Variants in OIP5 observed in about 807,000 individuals in gnomAD.
The protein encoded by OIP5 is Opa interacting protein 5.
OIP5 carries 24 observed loss-of-function variants against 20.3 expected under a neutral mutation model. The observed-to-expected ratio is 1.18, with a 90% CI of 0.86 to 1.66. OIP5 has a LOEUF of 1.66. OIP5 is among the 40% of genes most tolerant of loss of function. The pLI is 0.00. For missense variants in OIP5, 339 were observed against 289.5 expected (o/e 1.17, Z -1.24); for synonymous variants, 143 against 121.3 (o/e 1.18, Z -1.17).
intron 2 of OIP5, among the ~76,000 whole-genome samples, chr15:41,330,650 G>A (rs918481496): frequency 1.3e-5 from 2 of 151,738 alleles, no homozygotes; most frequent in Non-Finnish European, 2.9e-5. Flanking sequence ...TGATCCGCCC[G>A]CCTCGGCCTC....
chr15:41,321,184 C>A (rs2047822853), intron 2 of OIP5, among the ~76,000 whole-genome samples: 1 of 151,680 alleles, frequency 6.6e-6, no homozygotes, highest in African/African-American at 2.4e-5. Context: ...GCCAGCCGCC[C>A]CGTCCAGGAG....
At chr15:41,332,131 C>T (rs2140471758) in intron 1 of OIP5, 109 bp downstream of exon 1, 1 of 1,391,654 alleles carries the variant, frequency 7.2e-7, no homozygotes, top group African/African-American at 1.4e-5. Flanking sequence ...TTGCTTCCAA[C>T]TTTTCATCCC....
chr15:41,332,036 A>C lies in OIP5; in HGVS notation c.323-55T>G, dbSNP rs1262333600. On this transcript the variant is annotated intron_variant, in intron 1 of 4. Coordinates refer to ENST00000220514, the MANE Select transcript of OIP5 (RefSeq NM_007280.2). Reference sequence around the variant, plus strand: ...TACTCTGCGGGCCTTGAAATGGAAAATCTCTCCTCTAGACAGACTCATCCT... The same window carrying C: ...TACTCTGCGGGCCTTGAAATGGAAACTCTCTCCTCTAGACAGACTCATCCT... The C allele has an allele frequency of 5.8e-6, 9 of 1,546,076 alleles. No individual in the cohort carries two copies. In the South Asian group the frequency reaches 1.0e-4, roughly 17 times the overall value.
chr15:41,313,229 TTGTC>T (rs751979694), intron 4 of OIP5, 40 bp downstream of exon 4: 5 of 1,154,570 alleles, frequency 4.3e-6, no homozygotes, highest in Non-Finnish European at 6.5e-6. Flanking sequence ...TTATCAAGAG[TTGTC>T]TGTATTTTAA....
At chr15:41,323,285 G>A (rs907454489) in intron 2 of OIP5, among the ~76,000 whole-genome samples, 1 of 152,106 alleles carries the variant, frequency 6.6e-6, no homozygotes, top group Admixed American at 6.6e-5. Context: ...AGGAGTTTGA[G>A]AACAGCCTGG....
chr15:41,314,281 T>C lies in OIP5; in HGVS notation c.513-927A>G, dbSNP rs189164556. On this transcript the variant is annotated intron_variant, in intron 3 of 4. Coordinates refer to ENST00000220514, the MANE Select transcript of OIP5 (RefSeq NM_007280.2). The stretch of plus-strand genomic sequence containing the variant: ...CACGCCCAGCTAATTTTTGTATTTT[T>C]AGTAGAGATGGGGTTTCACCATGTT... Among the ~76,000 whole-genome samples the C allele has an allele frequency of 5.3e-5, 8 of 152,218 alleles. No individual in the cohort carries two copies. In the East Asian group the frequency reaches 1.6e-3, roughly 29 times the overall value.
Position 41,309,817 on chromosome 15 carries a change from G to A in OIP5, c.627C>T (p.Arg209=). Residue 209 remains arginine, a synonymous_variant, in exon 5 of 5, where the codon CGC becomes CGT. Transcript: ENST00000220514. ...LKEKIVLTHN[R]LKSLMKILSE... ...TCAGAATCTTCATTAGTGATTTTAAGCGATTGTGCGTTAGCACTATCTTCT... is the reference window on the plus strand; with the variant it reads ...TCAGAATCTTCATTAGTGATTTTAAACGATTGTGCGTTAGCACTATCTTCT... 1 of 1,613,808 alleles carries A rather than the reference G, an allele frequency of 6.2e-7. No individual in the cohort carries two copies. Among genetic ancestry groups the A allele is most frequent in the Non-Finnish European group, 8.5e-7 (1 of 1,179,726 alleles).
chr15:41,328,187 A>G (rs1177414575), intron 2 of OIP5, among the ~76,000 whole-genome samples: 1 of 152,206 alleles, frequency 6.6e-6, no homozygotes, highest in Non-Finnish European at 1.5e-5. Context: ...GAGGATAGAT[A>G]TTTTGTTTTG....
At chr15:41,324,414 T>C (rs1290884203) in intron 2 of OIP5, among the ~76,000 whole-genome samples, 3 of 152,226 alleles carry the variant, frequency 2.0e-5, no homozygotes, top group Non-Finnish European at 4.4e-5. Context: ...TGTGGCTGAT[T>C]TGATCTTCTA....
At chr15:41,322,167 G>C (rs569005119) in intron 2 of OIP5, among the ~76,000 whole-genome samples, 109 of 152,186 alleles carry the variant, frequency 7.2e-4, no homozygotes, top group Non-Finnish European at 1.3e-3. Context: ...CAGGCACAGT[G>C]GTTCACACCT....
intron 2 of OIP5, among the ~76,000 whole-genome samples, chr15:41,324,725 G>A (rs2047851167): frequency 6.6e-6 from 1 of 151,898 alleles, no homozygotes. Context: ...CTGACCTCAT[G>A]TGATCCACCC....
rs1395192919 is a variant in OIP5, at chr15:41,313,284, T to C, written c.583A>G (p.Lys195Glu). 8 of 1,597,036 alleles carry C rather than the reference T, an allele frequency of 5.0e-6. No individual in the cohort carries two copies. The Admixed American group carries it at 8.4e-5, about 17-fold the overall frequency. ...TCATGAAATTTTACCTCTGCAATCTTTTCTGATAGAGGAACATTTTGAATA... is the reference window on the plus strand; with the variant it reads ...TCATGAAATTTTACCTCTGCAATCTCTTCTGATAGAGGAACATTTTGAATA... ...MDIQNVPLSE[K>E]IAELKEKIVL... Residue 195 changes from lysine (K) to glutamate (E), a missense_variant, in exon 4 of 5, where the codon AAG (lysine) becomes GAG (glutamate). Lys to Glu is a moderately conservative substitution (Grantham distance 56). Transcript: ENST00000220514.
intron 3 of OIP5, 144 bp downstream of exon 3, chr15:41,319,514 A>G (rs2047809655): frequency 1.4e-5 from 10 of 701,680 alleles, no homozygotes; most frequent in Middle Eastern, 4.8e-4. Flanking sequence ...TCAGCCTCCT[A>G]AAGTGCTGGG....
intron 2 of OIP5, among the ~76,000 whole-genome samples, chr15:41,324,779 C>T (rs1006174360): frequency 2.6e-5 from 4 of 152,164 alleles, no homozygotes; most frequent in Admixed American, 6.6e-5. Flanking sequence ...CGTGAGCCAC[C>T]GCGCCTAACC....
chr15:41,311,244 G>A (rs566512955), intron 4 of OIP5, among the ~76,000 whole-genome samples: 18 of 152,226 alleles, frequency 1.2e-4, no homozygotes, highest in African/African-American at 4.3e-4. Context: ...ATCTGGGCAC[G>A]GTAGTGCGCG....
intron 2 of OIP5, 103 bp downstream of exon 2, chr15:41,331,812 A>G: frequency 2.1e-6 from 2 of 932,398 alleles, no homozygotes; most frequent in South Asian, 2.6e-5. Context: ...TCAAACAGGT[A>G]AAAGCAGCAT....
At chr15:41,329,709 CT>C (rs57186186) in intron 2 of OIP5, among the ~76,000 whole-genome samples, 6 of 146,800 alleles carry the variant, frequency 4.1e-5, no homozygotes, top group Admixed American at 1.4e-4. Context: ...ATTCATTTTG[CT>C]TTTTTTTTTG....
At chr15:41,321,136 C>T (rs1456604094) in intron 2 of OIP5, among the ~76,000 whole-genome samples, 1 of 151,896 alleles carries the variant, frequency 6.6e-6, no homozygotes, top group East Asian at 1.9e-4. Flanking sequence ...GGCAGCCACC[C>T]TGTCGGGGAG....
chr15:41,316,942 A>G (rs1211758250), intron 3 of OIP5, among the ~76,000 whole-genome samples: 1 of 152,166 alleles, frequency 6.6e-6, no homozygotes, highest in African/African-American at 2.4e-5. Context: ...ACTCAGTGAT[A>G]TAAGCATAAT....
Sources: allele counts gnomAD v4.1 joint callset (sites outside exome capture counted in the v4.1 genomes callset), GRCh38; gene constraint gnomAD v4.1.1; transcripts MANE v1.5; gene names NCBI Gene and HGNC (gene_info 2026-07-23, HGNC 2026-07-21).